Variants in HIBADH observed in about 807,000 individuals in gnomAD.
The protein encoded by HIBADH is 3-hydroxyisobutyrate dehydrogenase, mitochondrial.
HIBADH carries 25 observed loss-of-function variants against 36.1 expected under a neutral mutation model. That is an observed-to-expected ratio of 0.69 (90% CI 0.50 to 0.97). The LOEUF is 0.97. HIBADH is among the 50% of genes least tolerant of loss of function. HIBADH has a pLI of 0.00. For synonymous variants in HIBADH, 160 were observed against 149.5 expected, an observed-to-expected ratio of 1.07 and a Z score of -0.51; for missense variants, 421 against 418.0, an observed-to-expected ratio of 1.01 and a Z score of -0.06.
At chr7:27,626,195 G>C (rs1302722922) in intron 4 of HIBADH, among the ~76,000 whole-genome samples, 1 of 150,712 alleles carries the variant, frequency 6.6e-6, no homozygotes, top group Non-Finnish European at 1.5e-5. Context: ...ATTAGGCAGT[G>C]CATGCCAGTA....
At chr7:27,607,858 CT>C (rs1464850883) in intron 4 of HIBADH, among the ~76,000 whole-genome samples, 4 of 152,118 alleles carry the variant, frequency 2.6e-5, no homozygotes, top group African/African-American at 9.7e-5. Flanking sequence ...ATAAAACTAT[CT>C]TGGCTGTAAA....
At chr7:27,654,176 AG>A (rs1239231297) in intron 1 of HIBADH, among the ~76,000 whole-genome samples, 1 of 152,232 alleles carries the variant, frequency 6.6e-6, no homozygotes, top group Non-Finnish European at 1.5e-5. Context: ...ATACAGCAAT[AG>A]AAACTATTCA....
rs77713234 is a variant in HIBADH, at chr7:27,561,024, T to C, written c.485-17924A>G. On this transcript the variant is annotated intron_variant, in intron 4 of 7. Transcript: ENST00000265395. The stretch of plus-strand genomic sequence containing the variant: ...CTCATGAGTGTTCAGTGTAATCTCT[T>C]TGTGGTTTTGATTTGCCCTTCCCTA... Among the ~76,000 whole-genome samples the C allele has an allele frequency of 8.2e-3, 1,242 of 152,304 alleles. 12 individuals are homozygous for C. Among genetic ancestry groups the C allele is most frequent in the African/African-American group, 0.024 (990 of 41,560 alleles).
intron 4 of HIBADH, among the ~76,000 whole-genome samples, chr7:27,556,197 C>T (rs539194021): frequency 2.8e-4 from 42 of 152,278 alleles, no homozygotes; most frequent in African/African-American, 8.4e-4. Context: ...GCTTGATACA[C>T]GATAGTCATT....
chr7:27,560,871 AACC>A (rs1237785076), intron 4 of HIBADH, among the ~76,000 whole-genome samples: 8 of 152,220 alleles, frequency 5.3e-5, no homozygotes, highest in Non-Finnish European at 1.0e-4. Context: ...TTTTTTGCAG[AACC>A]ACCAATATCA....
At chr7:27,584,296 A>G (rs900771026) in intron 4 of HIBADH, among the ~76,000 whole-genome samples, 25 of 152,166 alleles carry the variant, frequency 1.6e-4, no homozygotes, top group African/African-American at 6.0e-4. Context: ...ACAACGGTCA[A>G]TTGGAAAATA....
chr7:27,591,742 T>C (rs1784943858), intron 4 of HIBADH, among the ~76,000 whole-genome samples: 1 of 152,228 alleles, frequency 6.6e-6, no homozygotes, highest in African/African-American at 2.4e-5. Context: ...CCTTGAAACT[T>C]AGTTTAACAA....
At chr7:27,617,185 T>C (rs1012910008) in intron 4 of HIBADH, among the ~76,000 whole-genome samples, 1 of 152,226 alleles carries the variant, frequency 6.6e-6, no homozygotes, top group African/African-American at 2.4e-5. Flanking sequence ...TATTTAATAT[T>C]GTACCTTTTC....
At chr7:27,527,769 A>ATTTTTT (rs1783925908) in intron 7 of HIBADH, among the ~76,000 whole-genome samples, 1 of 28,712 alleles carries the variant, frequency 3.5e-5, no homozygotes, top group Non-Finnish European at 6.6e-5. Flanking sequence ...TTTTTTTTTG[A>ATTTTTT]GACGGAGTTT....
intron 1 of HIBADH, among the ~76,000 whole-genome samples, chr7:27,654,627 T>G (rs948502645): frequency 3.3e-5 from 5 of 151,656 alleles, no homozygotes; most frequent in Non-Finnish European, 7.4e-5. Context: ...AATATACAAA[T>G]ATTTGTATAT....
At chr7:27,533,205 T>C (rs1784026695) in intron 6 of HIBADH, among the ~76,000 whole-genome samples, 1 of 152,202 alleles carries the variant, frequency 6.6e-6, no homozygotes, top group Non-Finnish European at 1.5e-5. Flanking sequence ...GGAAATTCAC[T>C]CTTTTCTATA....
intron 4 of HIBADH, among the ~76,000 whole-genome samples, chr7:27,555,966 C>A (rs1213655284): frequency 6.6e-6 from 1 of 152,070 alleles, no homozygotes; most frequent in Non-Finnish European, 1.5e-5. Context: ...AAGGGGCATA[C>A]TAAATAAACA....
In HIBADH at chr7:27,649,700, T is replaced by G. The variant is rs1020609091; in HGVS notation, c.92-67A>C. 3.6e-5 allele frequency: 51 copies of G among 1,401,616 alleles called. 1 individual carries two copies. The South Asian group carries it at 7.0e-4, about 19-fold the overall frequency. The allele number at this position is 1,401,616 out of a possible 1,614,324, so 86.8% of individuals were successfully genotyped here. On this transcript the variant is annotated intron_variant, in intron 1 of 7. Transcript: ENST00000265395. Reference sequence around the variant, plus strand: ...TTTTATTGTAAACATTCATTTAATATTAGCAAGTCAATTGTTAGATTTTTT... The same window carrying G: ...TTTTATTGTAAACATTCATTTAATAGTAGCAAGTCAATTGTTAGATTTTTT...
intron 4 of HIBADH, among the ~76,000 whole-genome samples, chr7:27,558,521 C>T (rs1015373338): frequency 1.3e-5 from 2 of 151,862 alleles, no homozygotes; most frequent in African/African-American, 4.8e-5. Flanking sequence ...GTAGAGATGG[C>T]GTCTTGCCAT....
At chr7:27,646,410 T>C (rs1248986729) in intron 2 of HIBADH, among the ~76,000 whole-genome samples, 2 of 152,198 alleles carry the variant, frequency 1.3e-5, no homozygotes, top group Non-Finnish European at 2.9e-5. Flanking sequence ...ATTCATTCAC[T>C]ACACAGTGGT....
At chr7:27,600,069 C>T (rs1785103112) in intron 4 of HIBADH, among the ~76,000 whole-genome samples, 1 of 152,042 alleles carries the variant, frequency 6.6e-6, no homozygotes, top group Non-Finnish European at 1.5e-5. Context: ...CCTTAAACAA[C>T]AAAAACAGAA....
At chr7:27,537,508 A>C (rs1257229991) in intron 6 of HIBADH, among the ~76,000 whole-genome samples, 1 of 152,184 alleles carries the variant, frequency 6.6e-6, no homozygotes, top group Non-Finnish European at 1.5e-5. Context: ...GTTTTGGGGA[A>C]TGTGATGAAA....
At chr7:27,542,438 GTTTTTTTTTTTTTT>G (rs150575250) in intron 5 of HIBADH, among the ~76,000 whole-genome samples, 7 of 68,140 alleles carry the variant, frequency 1.0e-4, no homozygotes, top group Non-Finnish European at 1.8e-4. Context: ...TTTTTTTCCC[GTTTTTTTTTTTTTT>G]TTTTTTTTTT....
chr7:27,542,304 G>A (rs189163816), intron 5 of HIBADH, among the ~76,000 whole-genome samples: 4 of 152,014 alleles, frequency 2.6e-5, no homozygotes, highest in Admixed American at 1.3e-4. Flanking sequence ...AGGGTCAACT[G>A]TAATTACAAA....
Sources: gnomAD v4.1 joint callset for allele counts (sites outside exome capture counted in the v4.1 genomes callset) on GRCh38, gnomAD v4.1.1 for gene constraint, MANE v1.5 for transcripts, NCBI Gene and HGNC (gene_info 2026-07-23, HGNC 2026-07-21) for gene names.